Variants in TNFAIP8 observed in about 807,000 individuals in gnomAD.
TNFAIP8 encodes the protein TNF alpha induced protein 8, also known as tumor necrosis factor alpha-induced protein 8.
TNFAIP8 carries 7 observed loss-of-function variants against 13.3 expected under a neutral mutation model. The observed-to-expected ratio is 0.52, with a 90% CI of 0.30 to 0.99. TNFAIP8 has a LOEUF of 0.99. Among genes scored for constraint, TNFAIP8 ranks in the 50% least tolerant of loss-of-function variants. TNFAIP8 has a pLI of 0.07. For missense variants in TNFAIP8, 258 were observed against 236.9 expected, an observed-to-expected ratio of 1.09 and a Z score of -0.58; for synonymous variants, 94 against 87.6, an observed-to-expected ratio of 1.07 and a Z score of -0.41.
At chr5:119,359,413 T>C (rs936456918) in intron 1 of TNFAIP8, among the ~76,000 whole-genome samples, 1 of 152,184 alleles carries the variant, frequency 6.6e-6, no homozygotes, top group Admixed American at 6.5e-5. Context: ...CTGCTTAACA[T>C]CTCTTCTAGA....
At chr5:119,341,243 A>G (rs1750728906) in intron 1 of TNFAIP8, among the ~76,000 whole-genome samples, 1 of 152,076 alleles carries the variant, frequency 6.6e-6, no homozygotes, top group African/African-American at 2.4e-5. Flanking sequence ...ATTTGTTTTT[A>G]ATGTTAGTCT....
At chr5:119,362,229 G>C (rs1266956448) in intron 1 of TNFAIP8, among the ~76,000 whole-genome samples, 1 of 152,178 alleles carries the variant, frequency 6.6e-6, no homozygotes, top group Non-Finnish European at 1.5e-5. Flanking sequence ...AAGAAAGAGT[G>C]AGTGACAGGG....
rs1753137144 is a variant in TNFAIP8, at chr5:119,399,042, G to T, written c.*5661G>T. On this transcript the variant is annotated 3_prime_UTR_variant, in exon 2 of 2. Transcript: ENST00000504771. ...AGGACTTGCTGATAATTGGATCAAAGTTCCAGCATTATTGCTCTTTTCGAA... is the reference window on the plus strand; with the variant it reads ...AGGACTTGCTGATAATTGGATCAAATTTCCAGCATTATTGCTCTTTTCGAA... The T allele has an allele frequency of 6.6e-6, 1 of 152,242 alleles. No individual in the cohort carries two copies. The highest frequency in any genetic ancestry group is 1.5e-5 in the Non-Finnish European group (1 of 68,048). 9.4% of individuals were successfully genotyped at this position (152,242 alleles called of 1,614,324 possible).
rs1314579584 is a variant in TNFAIP8 at position 119,398,327 on chromosome 5, C to T, written c.*4946C>T. On this transcript the variant is annotated 3_prime_UTR_variant, in exon 2 of 2. Coordinates refer to ENST00000504771, the MANE Select transcript of TNFAIP8 (RefSeq NM_014350.4). ...TTTTGATTTGTAGAATAATGTAAGACAATATGTTTCTTTCTACTTTGGTTT... is the reference window on the plus strand; with the variant it reads ...TTTTGATTTGTAGAATAATGTAAGATAATATGTTTCTTTCTACTTTGGTTT... 6.6e-6 allele frequency: 1 copy of T among 152,140 alleles called. No individual in the cohort carries two copies. The highest frequency in any genetic ancestry group is 1.9e-4 in the East Asian group (1 of 5,200). The allele number at this position is 152,140 out of a possible 1,614,324, so 9.4% of individuals were successfully genotyped here. A position where few individuals can be genotyped will look rare whatever the true frequency, so the allele number is the denominator to read the frequency against.
chr5:119,378,534 A>G (rs1752366812), intron 1 of TNFAIP8, among the ~76,000 whole-genome samples: 1 of 152,194 alleles, frequency 6.6e-6, no homozygotes, highest in African/African-American at 2.4e-5. Flanking sequence ...GCCAAGATGC[A>G]TATTTGAGAG....
rs141892390 is a variant in TNFAIP8 at position 119,326,970 on chromosome 5, T to G, written c.1+58063T>G. Among the ~76,000 whole-genome samples, 1,030 of 152,312 alleles carry G rather than the reference T, an allele frequency of 6.8e-3. 9 individuals carry two copies. Among genetic ancestry groups the G allele is most frequent in the Non-Finnish European group, 9.8e-3 (667 of 68,028 alleles). On this transcript the variant is annotated intron_variant, in intron 1 of 1. Transcript: ENST00000274456. Reference sequence around the variant, plus strand: ...CTCTTCCAGATTAAACCAGCCCGTGTGCCCTCCATTGTCCTGAAGGGGCTT... The same window carrying G: ...CTCTTCCAGATTAAACCAGCCCGTGGGCCCTCCATTGTCCTGAAGGGGCTT...
chr5:119,387,744 G>A (rs1013107093), intron 1 of TNFAIP8, among the ~76,000 whole-genome samples: 3 of 152,152 alleles, frequency 2.0e-5, no homozygotes, highest in African/African-American at 7.2e-5. Flanking sequence ...TACAGCAAAT[G>A]TTGCTGAAAT....
At chr5:119,305,278 G>A (rs1749516716) in intron 1 of TNFAIP8, among the ~76,000 whole-genome samples, 1 of 152,110 alleles carries the variant, frequency 6.6e-6, no homozygotes, top group Non-Finnish European at 1.5e-5. Flanking sequence ...TTTCTTAATT[G>A]AATATGTTGG....
At chr5:119,280,445 T>A (rs1335549444) in intron 1 of TNFAIP8, among the ~76,000 whole-genome samples, 3 of 152,088 alleles carry the variant, frequency 2.0e-5, no homozygotes, top group Non-Finnish European at 2.9e-5. Flanking sequence ...GTTTAATTTG[T>A]AGAGTTTCCC....
intron 1 of TNFAIP8, among the ~76,000 whole-genome samples, chr5:119,309,645 A>G (rs981755652): frequency 6.6e-6 from 1 of 152,216 alleles, no homozygotes; most frequent in African/African-American, 2.4e-5. Flanking sequence ...TGTTCAGACT[A>G]TGGGAGGAGC....
intron 1 of TNFAIP8, among the ~76,000 whole-genome samples, chr5:119,391,132 C>T (rs569372981): frequency 2.5e-4 from 38 of 152,180 alleles, no homozygotes; most frequent in African/African-American, 8.9e-4. Flanking sequence ...CCACACCCCG[C>T]CTTTCCCCAA....
In TNFAIP8 at chr5:119,271,755, A is replaced by G. The variant is rs192905468; in HGVS notation, c.1+2848A>G. ...ATCTCTGGCTCTGATACAGAAGTTA[A>G]GGGAAGGAGTTGTGTGGTGCCAGAT... On this transcript the variant is annotated intron_variant, in intron 1 of 1. Coordinates refer to the TNFAIP8 transcript ENST00000274456. Among the ~76,000 whole-genome samples, 213 of 152,326 alleles carry G rather than the reference A, an allele frequency of 1.4e-3. 2 individuals carry two copies. The highest frequency in any genetic ancestry group is 4.9e-3 in the African/African-American group (203 of 41,576).
At chr5:119,314,288 A>G (rs1049912555) in intron 1 of TNFAIP8, among the ~76,000 whole-genome samples, 2 of 152,242 alleles carry the variant, frequency 1.3e-5, no homozygotes, top group Non-Finnish European at 2.9e-5. Context: ...AGCACTCAGT[A>G]TTAGTTGCTG....
chr5:119,348,910 A>G (rs1479745727), intron 1 of TNFAIP8, among the ~76,000 whole-genome samples: 2 of 149,812 alleles, frequency 1.3e-5, no homozygotes, highest in Non-Finnish European at 3.0e-5. Flanking sequence ...AAAAAAAAGA[A>G]TAGACAACAT....
At chr5:119,289,212 G>A (rs1048514184) in intron 1 of TNFAIP8, among the ~76,000 whole-genome samples, 2 of 152,180 alleles carry the variant, frequency 1.3e-5, no homozygotes, top group African/African-American at 2.4e-5. Flanking sequence ...ATTTCGCAAA[G>A]GGATACTTAT....
At chr5:119,384,431 C>T (rs780815751) in intron 1 of TNFAIP8, among the ~76,000 whole-genome samples, 43 of 151,976 alleles carry the variant, frequency 2.8e-4, no homozygotes, top group African/African-American at 8.7e-4. Flanking sequence ...TGCATTGAGC[C>T]GAGATTGTGC....
At chr5:119,297,968 C>G (rs1223740023) in intron 1 of TNFAIP8, among the ~76,000 whole-genome samples, 1 of 152,052 alleles carries the variant, frequency 6.6e-6, no homozygotes. Context: ...GGTAGATCTT[C>G]CTCCATCCTT....
Position 119,392,800 on chromosome 5 carries a change from C to CTTTT in TNFAIP8, c.32-6_32-3dup. ...TACTAATTGTTAATTCTTTTCCTCTCTTTTTTTTTTTTTAGTGGCCACAGA... is the reference window on the plus strand; with the variant it reads ...TACTAATTGTTAATTCTTTTCCTCTCTTTTTTTTTTTTTTTTTAGTGGCCACAGA... On this transcript the variant is annotated splice_polypyrimidine_tract_variant and intron_variant, in intron 1 of 1. Coordinates refer to ENST00000504771, the MANE Select transcript of TNFAIP8 (RefSeq NM_014350.4). 3 of 1,399,668 alleles carry CTTTT rather than the reference C, an allele frequency of 2.1e-6. No individual in the cohort carries two copies. Among genetic ancestry groups the CTTTT allele is most frequent in the South Asian group, 1.4e-5 (1 of 70,584 alleles). 86.7% of individuals were successfully genotyped at this position (1,399,668 alleles called of 1,614,324 possible). A position where few individuals can be genotyped will look rare whatever the true frequency, so the allele number is the denominator to read the frequency against.
chr5:119,345,982 A>T (rs971877053), intron 1 of TNFAIP8, among the ~76,000 whole-genome samples: 83 of 152,336 alleles, frequency 5.4e-4, no homozygotes, highest in African/African-American at 1.9e-3. Context: ...TTTAAATAAC[A>T]GAGGAATAGC....
Sources: allele counts gnomAD v4.1 joint callset (sites outside exome capture counted in the v4.1 genomes callset), GRCh38; gene constraint gnomAD v4.1.1; transcripts MANE v1.5; gene names NCBI Gene and HGNC (gene_info 2026-07-23, HGNC 2026-07-21).